The following LNPK variants were observed in gnomAD, a reference collection of about 807,000 sequenced individuals.
LNPK encodes the protein endoplasmic reticulum junction formation protein lunapark.
LNPK carries 29 observed loss-of-function variants against 55.2 expected under a neutral mutation model. The ratio of observed to expected loss-of-function variants is 0.53; its 90% confidence interval spans 0.39 to 0.72. LNPK has a LOEUF of 0.72. Among genes scored for constraint, LNPK ranks in the 30% least tolerant of loss-of-function variants. The pLI, the probability that LNPK is intolerant of heterozygous loss-of-function variation, is 0.00. For missense variants in LNPK, 467 were observed against 494.8 expected, an observed-to-expected ratio of 0.94 and a Z score of 0.53; for synonymous variants, 162 against 168.2, an observed-to-expected ratio of 0.96 and a Z score of 0.29.
intron 6 of LNPK, among the ~76,000 whole-genome samples, chr2:175,968,416 T>C (rs1449023497): frequency 6.6e-6 from 1 of 152,224 alleles, no homozygotes; most frequent in Non-Finnish European, 1.5e-5. Flanking sequence ...AGAGGTAATC[T>C]TGACTCATGT....
At chr2:175,953,723 C>G (rs1385983176) in intron 8 of LNPK, among the ~76,000 whole-genome samples, 1 of 149,744 alleles carries the variant, frequency 6.7e-6, no homozygotes, top group African/African-American at 2.5e-5. Context: ...TAATTGTTCT[C>G]TATGGCTCAG....
chr2:175,955,653 C>A (rs1021409074), intron 8 of LNPK, among the ~76,000 whole-genome samples: 5 of 152,188 alleles, frequency 3.3e-5, no homozygotes, highest in South Asian at 4.1e-4. Flanking sequence ...TTCTCTGAAT[C>A]AAACACATGC....
intron 10 of LNPK, 31 bp downstream of exon 10, chr2:175,939,521 T>C: frequency 8.2e-7 from 1 of 1,222,266 alleles, no homozygotes; most frequent in Non-Finnish European, 1.2e-6. Context: ...TGTTTTCATT[T>C]TCATTTATCT....
Position 175,929,087 on chromosome 2 carries a change from T to C in LNPK, c.*880A>G, listed in dbSNP as rs552473795. The C allele has an allele frequency of 1.0e-6, 1 of 984,530 alleles. No homozygotes were observed. The highest frequency in any genetic ancestry group is 1.2e-6 in the Non-Finnish European group (1 of 828,848). The allele number at this position is 984,530 out of a possible 1,614,324, so 61.0% of individuals were successfully genotyped here. A position where few individuals can be genotyped will look rare whatever the true frequency, so the allele number is the denominator to read the frequency against. ...GCCAAGTCACCCACCAAGATACTGT[T>C]TGAAGAAGACTAGATATTTAGCAAA... On this transcript the variant is annotated 3_prime_UTR_variant, in exon 13 of 13. Transcript: ENST00000272748.
chr2:175,982,789 T>C (rs1011421225), intron 4 of LNPK, among the ~76,000 whole-genome samples: 4 of 152,192 alleles, frequency 2.6e-5, no homozygotes, highest in African/African-American at 9.7e-5. Context: ...TCCCAATAAT[T>C]AAAAATAATG....
intron 8 of LNPK, among the ~76,000 whole-genome samples, chr2:175,958,792 C>T (rs778511534): frequency 1.3e-5 from 2 of 152,072 alleles, no homozygotes; most frequent in South Asian, 2.1e-4. Flanking sequence ...GGAGGATGTT[C>T]GAACCCATCG....
intron 11 of LNPK, chr2:175,937,963 A>C (rs1269195993): frequency 5.4e-6 from 1 of 185,244 alleles, no homozygotes; most frequent in Non-Finnish European, 1.1e-5. Flanking sequence ...GCTACACATG[A>C]GAATCATCTG....
At chr2:175,994,682 G>A (rs1055823414) in intron 2 of LNPK, among the ~76,000 whole-genome samples, 8 of 152,020 alleles carry the variant, frequency 5.3e-5, no homozygotes, top group African/African-American at 1.7e-4. Flanking sequence ...ACCATGCCCA[G>A]CTAATTTTTG....
At chr2:175,946,653 A>G (rs970609731) in intron 9 of LNPK, among the ~76,000 whole-genome samples, 2 of 152,146 alleles carry the variant, frequency 1.3e-5, no homozygotes, top group African/African-American at 4.8e-5. Flanking sequence ...ACCTGATATC[A>G]GCTACTGCCT....
In LNPK at chr2:175,950,052, A is replaced by G. The variant is rs148079188; in HGVS notation, c.494-2360T>C. On this transcript the variant is annotated intron_variant, in intron 8 of 12. Transcript: ENST00000272748. ...AAACGTAAGATACAAAGCCCCCAAA[A>G]GAGCCACCAAGCATTCCACATGAAT... Among the ~76,000 whole-genome samples the G allele has an allele frequency of 5.6e-3, 848 of 152,200 alleles. 7 individuals carry two copies. Among genetic ancestry groups the G allele is most frequent in the African/African-American group, 0.017 (725 of 41,556 alleles).
intron 8 of LNPK, among the ~76,000 whole-genome samples, chr2:175,955,626 A>G (rs58413880): frequency 0.011 from 1,722 of 152,324 alleles, 32 homozygotes; most frequent in African/African-American, 0.039. Context: ...TTATTATTTT[A>G]TAAGGCATTT....
At position 175,929,380 on chromosome 2, in the gene LNPK, GTGCC is replaced by G; in HGVS notation, c.*583_*586del. 22 of 985,634 alleles carry G rather than the reference GTGCC, an allele frequency of 2.2e-5. No homozygotes were observed. The highest frequency in any genetic ancestry group is 2.7e-5 in the Non-Finnish European group (22 of 829,774). 61.1% of individuals were successfully genotyped at this position (985,634 alleles called of 1,614,324 possible). ...GCATTCTCACTGAGAATTCGTACCA[GTGCC>G]AACGTAGTTACAGTTCTACTTAACT... On this transcript the variant is annotated 3_prime_UTR_variant, in exon 13 of 13. Coordinates refer to ENST00000272748, the MANE Select transcript of LNPK (RefSeq NM_030650.3).
rs1684150686 is a variant in LNPK at position 175,929,187 on chromosome 2, A to G, written c.*780T>C. 1 of 960,334 alleles carries G rather than the reference A, an allele frequency of 1.0e-6. No homozygotes were observed. The highest frequency in any genetic ancestry group is 1.2e-6 in the Non-Finnish European group (1 of 806,878). 59.5% of individuals were successfully genotyped at this position (960,334 alleles called of 1,614,324 possible). On this transcript the variant is annotated 3_prime_UTR_variant, in exon 13 of 13. Coordinates refer to ENST00000272748, the MANE Select transcript of LNPK (RefSeq NM_030650.3). ...AGAGCACAAAATTCACTTATATATC[A>G]TCATTTTATACTTATAAATAATGCT...
rs564000537 is a variant in LNPK, at chr2:175,979,694, C to T, written c.316+116G>A. On this transcript the variant is annotated intron_variant, in intron 5 of 12. Transcript: ENST00000272748. ...CTTTCTCATGCTTTATAATAAACAA[C>T]TCTTCAATACTTAACACATTATCAT... The T allele has an allele frequency of 2.0e-5, 16 of 815,000 alleles. No homozygotes were observed. In the Middle Eastern group the frequency reaches 1.2e-3, roughly 60 times the overall value. 50.5% of individuals were successfully genotyped at this position (815,000 alleles called of 1,614,324 possible).
At chr2:175,978,120 A>G (rs565301850) in intron 5 of LNPK, among the ~76,000 whole-genome samples, 26 of 152,322 alleles carry the variant, frequency 1.7e-4, no homozygotes, top group African/African-American at 6.3e-4. Context: ...TTCAGCACTC[A>G]TGGAATTAAA....
intron 8 of LNPK, among the ~76,000 whole-genome samples, chr2:175,958,622 G>A (rs1685822360): frequency 6.6e-6 from 1 of 152,148 alleles, no homozygotes; most frequent in Non-Finnish European, 1.5e-5. Context: ...AGAAACCAGA[G>A]CAGAAAAGCT....
In LNPK at chr2:175,928,447, CG is replaced by C; in HGVS notation, c.*1519del. The C allele has an allele frequency of 6.9e-6, 1 of 143,996 alleles. No individual in the cohort carries two copies. Among genetic ancestry groups the C allele is most frequent in the South Asian group, 2.2e-4 (1 of 4,598 alleles). The allele number at this position is 143,996 out of a possible 1,614,324, so 8.9% of individuals were successfully genotyped here. The stretch of plus-strand genomic sequence containing the variant: ...ACAGACCTGAAATTTAAGCCCAATA[CG>C]GCAGGCTCAAAAACTCTGGTTACTA... On this transcript the variant is annotated 3_prime_UTR_variant, in exon 13 of 13. Transcript: ENST00000272748.
intron 1 of LNPK, among the ~76,000 whole-genome samples, chr2:176,001,338 A>C (rs2105380253): frequency 6.6e-6 from 1 of 152,258 alleles, no homozygotes; most frequent in Non-Finnish European, 1.5e-5. Context: ...GACACCGAGC[A>C]ACACACACCG....
intron 8 of LNPK, among the ~76,000 whole-genome samples, chr2:175,962,462 CCT>C (rs1315191669): frequency 1.3e-5 from 2 of 152,132 alleles, no homozygotes; most frequent in African/African-American, 2.4e-5. Context: ...GAAAAGATTC[CCT>C]GTTTAATAAA....
Sources: allele counts gnomAD v4.1 joint callset (sites outside exome capture counted in the v4.1 genomes callset), GRCh38; gene constraint gnomAD v4.1.1; transcripts MANE v1.5; gene names NCBI Gene and HGNC (gene_info 2026-07-23, HGNC 2026-07-21).